Variants in SAMD5 observed in about 807,000 individuals in gnomAD.
SAMD5 encodes the protein sterile alpha motif domain-containing protein 5.
Under a neutral mutation model 11.3 loss-of-function variants are expected in SAMD5, and 13 were observed. That is an observed-to-expected ratio of 1.15 (90% CI 0.75 to 1.83). SAMD5 has a LOEUF of 1.83. Among genes scored for constraint, SAMD5 ranks in the 40% most tolerant of loss-of-function variants. The pLI is 0.00. For synonymous variants in SAMD5, 129 were observed against 111.3 expected (o/e 1.16, Z -1.00); for missense variants, 255 against 239.1 (o/e 1.07, Z -0.44).
chr6:147,561,986 C>T (rs529356867), intron 1 of SAMD5, among the ~76,000 whole-genome samples: 1 of 152,156 alleles, frequency 6.6e-6, no homozygotes, highest in Non-Finnish European at 1.5e-5. Context: ...ATCTGCCCCC[C>T]ACCTACTCCC....
the SAMD5 span, among the ~76,000 whole-genome samples, chr6:147,865,798 C>A: frequency 6.6e-6 from 1 of 152,060 alleles, no homozygotes; most frequent in Non-Finnish European, 1.5e-5. Context: ...TTGCTGACAC[C>A]TAATATGTTT....
chr6:147,636,167 A>T (rs1242816971), intron 1 of SAMD5, among the ~76,000 whole-genome samples: 1 of 152,170 alleles, frequency 6.6e-6, no homozygotes, highest in African/African-American at 2.4e-5. Flanking sequence ...AAGACACGAT[A>T]AAATCTGGTA....
the SAMD5 span, among the ~76,000 whole-genome samples, chr6:147,918,076 T>C: frequency 1.3e-5 from 2 of 152,188 alleles, no homozygotes; most frequent in South Asian, 4.1e-4. Flanking sequence ...TTAAAGTAGT[T>C]TTTTTCCAAT....
chr6:147,810,645 G>A, the SAMD5 span, among the ~76,000 whole-genome samples: 2 of 152,188 alleles, frequency 1.3e-5, no homozygotes, highest in Non-Finnish European at 2.9e-5. Flanking sequence ...GGAACAAATA[G>A]GCAGCCATCA....
the SAMD5 span, among the ~76,000 whole-genome samples, chr6:147,867,001 C>T: frequency 1.3e-5 from 2 of 152,060 alleles, no homozygotes; most frequent in African/African-American, 2.4e-5. Context: ...TTTACATGGA[C>T]AAAATGCTAA....
intron 1 of SAMD5, among the ~76,000 whole-genome samples, chr6:147,624,880 A>AT (rs1554237924): frequency 5.0e-4 from 48 of 96,852 alleles, no homozygotes; most frequent in African/African-American, 8.9e-4. Flanking sequence ...GAAATAAAAA[A>AT]TTAAAAAAAA....
the SAMD5 span, among the ~76,000 whole-genome samples, chr6:147,799,576 T>C: frequency 6.6e-6 from 1 of 151,994 alleles, no homozygotes; most frequent in South Asian, 2.1e-4. Context: ...GGAGTATCTT[T>C]GTGGCGTTCT....
intron 1 of SAMD5, among the ~76,000 whole-genome samples, chr6:147,646,549 G>A (rs192795820): frequency 1.5e-4 from 23 of 152,190 alleles, no homozygotes; most frequent in African/African-American, 5.3e-4. Context: ...AGAGCTTATC[G>A]TTATCACTGC....
At chr6:147,845,866 CT>C in the SAMD5 span, among the ~76,000 whole-genome samples, 1 of 152,156 alleles carries the variant, frequency 6.6e-6, no homozygotes, top group Non-Finnish European at 1.5e-5. Flanking sequence ...AGCAATTACC[CT>C]TTTAGGCATT....
At chr6:147,950,476 C>T in the SAMD5 span, among the ~76,000 whole-genome samples, 1 of 152,134 alleles carries the variant, frequency 6.6e-6, no homozygotes, top group Non-Finnish European at 1.5e-5. Context: ...GTGGTTTTGC[C>T]TCTCCTGGCT....
chr6:147,535,867 C>T (rs532069993), intron 1 of SAMD5, among the ~76,000 whole-genome samples: 2 of 152,248 alleles, frequency 1.3e-5, no homozygotes, highest in East Asian at 3.9e-4. Context: ...TGTACAGGGA[C>T]TCTGTGTGGA....
chr6:147,754,175 C>T, the SAMD5 span, among the ~76,000 whole-genome samples: 5 of 152,182 alleles, frequency 3.3e-5, no homozygotes, highest in South Asian at 2.1e-4. Context: ...CAACAGTGTA[C>T]GAGGGTTCCC....
chr6:147,910,547 GA>G, the SAMD5 span, among the ~76,000 whole-genome samples: 1 of 152,094 alleles, frequency 6.6e-6, no homozygotes. Flanking sequence ...TCCCTGCAAT[GA>G]GTCGAAAGGC....
At chr6:147,552,150 G>A (rs1420257242) in intron 1 of SAMD5, among the ~76,000 whole-genome samples, 1 of 152,114 alleles carries the variant, frequency 6.6e-6, no homozygotes, top group Admixed American at 6.6e-5. Context: ...GCTGTTTAAT[G>A]TCTTTGCTGC....
intron 1 of SAMD5, among the ~76,000 whole-genome samples, chr6:147,719,042 T>A (rs75455335): frequency 1.3e-5 from 2 of 152,332 alleles, no homozygotes; most frequent in African/African-American, 4.8e-5. Context: ...ACCAGCCAGA[T>A]ACCAATGACT....
At chr6:147,581,539 A>G (rs844553) in intron 1 of SAMD5, among the ~76,000 whole-genome samples, 111,091 of 152,020 alleles carry the variant, frequency 0.73, 41,128 homozygotes, top group African/African-American at 0.85. Context: ...CTTTGAACCA[A>G]GTAGGAGGGC....
intron 1 of SAMD5, among the ~76,000 whole-genome samples, chr6:147,549,859 C>T (rs190025973): frequency 4.6e-5 from 7 of 151,854 alleles, no homozygotes; most frequent in Admixed American, 2.0e-4. Flanking sequence ...AAACAGTTTG[C>T]TACTTAGACT....
chr6:147,882,600 A>G, the SAMD5 span, among the ~76,000 whole-genome samples: 4 of 152,238 alleles, frequency 2.6e-5, no homozygotes, highest in Admixed American at 6.5e-5. Flanking sequence ...TAAAATTAAA[A>G]GAAAAATATT....
the SAMD5 span, among the ~76,000 whole-genome samples, chr6:147,774,509 G>T: frequency 1.3e-5 from 2 of 151,936 alleles, no homozygotes; most frequent in Admixed American, 1.3e-4. Context: ...ATCATCTCTA[G>T]ATTACTTATA....
Sources: gnomAD v4.1 joint callset for allele counts (sites outside exome capture counted in the v4.1 genomes callset) on GRCh38, gnomAD v4.1.1 for gene constraint, MANE v1.5 for transcripts, NCBI Gene and HGNC (gene_info 2026-07-23, HGNC 2026-07-21) for gene names.